TPCN2: variants seen among roughly 807,000 people sequenced by gnomAD.
TPCN2 encodes two pore channel protein 2.
Under a neutral mutation model 111.4 loss-of-function variants are expected in TPCN2, and 92 were observed. The ratio of observed to expected loss-of-function variants is 0.83; its 90% CI spans 0.70 to 0.98. The LOEUF (loss-of-function observed/expected upper bound fraction) is 0.98. Ranked by LOEUF, TPCN2 falls within the 50% of genes least tolerant of loss-of-function variation. The pLI is 0.00. For missense variants in TPCN2, 995 were observed against 980.1 expected (o/e 1.02, Z -0.20); for synonymous variants, 405 against 414.5 (o/e 0.98, Z 0.28).
chr11:69,054,027 C>G lies in TPCN2; in HGVS notation c.110-6C>G. 4 of 1,613,564 alleles carry G rather than the reference C, an allele frequency of 2.5e-6. No homozygotes were observed. Among genetic ancestry groups the G allele is most frequent in the Non-Finnish European group, 3.4e-6 (4 of 1,179,728 alleles). Reference sequence around the variant, plus strand: ...CGGTCACCTGATGTGTCCCCTCTGCCTGCAGGTGCCGCGGCCAGGTGGGAC... The same window carrying G: ...CGGTCACCTGATGTGTCCCCTCTGCGTGCAGGTGCCGCGGCCAGGTGGGAC... On this transcript the variant is annotated splice_polypyrimidine_tract_variant and splice_region_variant and intron_variant, in intron 1 of 24. Transcript: ENST00000294309.
intron 10 of TPCN2, 57 bp from the exon 11 acceptor site, chr11:69,071,865 CG>C (rs1565088638): frequency 6.6e-7 from 1 of 1,511,976 alleles, no homozygotes; most frequent in East Asian, 2.3e-5. Context: ...AGGGAAGGGT[CG>C]GGGGTTCTGA....
intron 22 of TPCN2, among the ~76,000 whole-genome samples, chr11:69,086,309 C>T (rs533956395): frequency 3.7e-4 from 56 of 152,328 alleles, no homozygotes; most frequent in African/African-American, 1.3e-3. Flanking sequence ...ATCCCAGCAC[C>T]GCCTCCTGCT....
At chr11:69,058,177 G>T (rs1361633045) in intron 5 of TPCN2, among the ~76,000 whole-genome samples, 6 of 152,236 alleles carry the variant, frequency 3.9e-5, no homozygotes, top group African/African-American at 1.4e-4. Flanking sequence ...CACCCCCTGG[G>T]CTTTGCGAGA....
At chr11:69,079,997 G>A in intron 17 of TPCN2, 114 bp downstream of exon 17, 1 of 960,394 alleles carries the variant, frequency 1.0e-6, no homozygotes, top group East Asian at 2.5e-5. Context: ...CTCTAGGGCA[G>A]ACCCCGTGAT....
chr11:69,050,092 A>G (rs1861153373), intron 1 of TPCN2, among the ~76,000 whole-genome samples: 2 of 152,120 alleles, frequency 1.3e-5, no homozygotes, highest in Non-Finnish European at 2.9e-5. Flanking sequence ...GCATGTGCCC[A>G]TCCATGGAGT....
chr11:69,062,779 C>A, intron 5 of TPCN2, 105 bp from the exon 6 acceptor site: 1 of 1,055,428 alleles, frequency 9.5e-7, no homozygotes, highest in Non-Finnish European at 1.4e-6. Flanking sequence ...TCTGGAGTGG[C>A]CCCCAGGGCA....
At chr11:69,079,594 T>C in intron 16 of TPCN2, 1 of 503,148 alleles carries the variant, frequency 2.0e-6, no homozygotes, top group East Asian at 3.3e-5. Context: ...GTATCTTCTC[T>C]GCCACCTCTG....
chr11:69,070,513 G>T lies in TPCN2; in HGVS notation c.895+18G>T. The T allele has an allele frequency of 6.3e-7, 1 of 1,583,912 alleles. No individual in the cohort carries two copies. ...TGTGATAGGTGAGTGCAGGTAACGT[G>T]GCCAGCATTTTGTGACAGGATCCCG... On this transcript the variant is annotated intron_variant, in intron 9 of 24. Coordinates refer to ENST00000294309, the MANE Select transcript of TPCN2 (RefSeq NM_139075.4).
chr11:69,056,140 A>G (rs1176243832), intron 4 of TPCN2, among the ~76,000 whole-genome samples: 2 of 152,206 alleles, frequency 1.3e-5, no homozygotes, highest in African/African-American at 4.8e-5. Context: ...CCCCACATCC[A>G]TGCCCATGGT....
At chr11:69,057,472 G>T (rs1176737099) in intron 4 of TPCN2, 106 bp from the exon 5 acceptor site, 16 of 1,065,192 alleles carry the variant, frequency 1.5e-5, no homozygotes, top group African/African-American at 1.2e-4. Flanking sequence ...TTGTGGAGGC[G>T]CACCCTGCTC....
intron 1 of TPCN2, among the ~76,000 whole-genome samples, chr11:69,051,373 C>T (rs1054442329): frequency 1.3e-5 from 2 of 152,252 alleles, no homozygotes; most frequent in African/African-American, 2.4e-5. Context: ...ATGAAGGGCT[C>T]ACTTAGCAAA....
intron 10 of TPCN2, 108 bp from the exon 11 acceptor site, chr11:69,071,815 C>CA: frequency 2.9e-6 from 3 of 1,032,768 alleles, no homozygotes; most frequent in South Asian, 1.5e-5. Context: ...GGCCCCCCCC[C>CA]AAGGCTGCCC....
chr11:69,054,615 A>G, intron 2 of TPCN2, 106 bp from the exon 3 acceptor site: 1 of 1,077,084 alleles, frequency 9.3e-7, no homozygotes, highest in South Asian at 1.3e-5. Flanking sequence ...GTCCCCTGTG[A>G]TCCACAGCCT....
At chr11:69,087,049 G>C in intron 23 of TPCN2, 63 bp from the exon 24 acceptor site, 1 of 1,456,520 alleles carries the variant, frequency 6.9e-7, no homozygotes, top group Non-Finnish European at 9.6e-7. Flanking sequence ...GAGGGGCCGG[G>C]GATGGGGCAA....
chr11:69,063,260 G>GC (rs200100306), intron 6 of TPCN2, among the ~76,000 whole-genome samples: 1,534 of 151,984 alleles, frequency 0.01, 32 homozygotes, highest in African/African-American at 0.035. Context: ...AGTCCCATGG[G>GC]CACTCTCTCC....
chr11:69,065,698 T>G (rs998244807), intron 7 of TPCN2, among the ~76,000 whole-genome samples: 1 of 152,222 alleles, frequency 6.6e-6, no homozygotes, highest in African/African-American at 2.4e-5. Context: ...GCCAGCCTGC[T>G]TGTCCTCTGC....
At chr11:69,085,163 T>G in intron 19 of TPCN2, 47 bp from the exon 20 acceptor site, 2 of 1,553,954 alleles carry the variant, frequency 1.3e-6, no homozygotes, top group Non-Finnish European at 1.8e-6. Context: ...TGGTGGTGGG[T>G]GCACCCATGG....
chr11:69,083,671 G>T (rs138006349), intron 18 of TPCN2, among the ~76,000 whole-genome samples: 1 of 152,172 alleles, frequency 6.6e-6, no homozygotes, highest in Non-Finnish European at 1.5e-5. Flanking sequence ...GAGTGAGTGC[G>T]TGCGGGTGGC....
intron 7 of TPCN2, among the ~76,000 whole-genome samples, chr11:69,066,211 C>T (rs1165323030): frequency 1.3e-5 from 2 of 152,160 alleles, no homozygotes; most frequent in Admixed American, 6.5e-5. Context: ...ACGGGGGATG[C>T]CCGGGAGGCC....
Sources: gnomAD v4.1 joint callset for allele counts (sites outside exome capture counted in the v4.1 genomes callset) on GRCh38, gnomAD v4.1.1 for gene constraint, MANE v1.5 for transcripts, NCBI Gene and HGNC (gene_info 2026-07-23, HGNC 2026-07-21) for gene names.